The following RUFY3 variants were observed in gnomAD, a reference collection of about 807,000 sequenced individuals.
RUFY3 encodes protein RUFY3.
RUFY3 carries 34 observed loss-of-function variants against 84.0 expected under a neutral mutation model. That is an observed-to-expected ratio of 0.40 (90% CI 0.31 to 0.54). The LOEUF is 0.54. Ranked by LOEUF, RUFY3 falls within the 20% of genes least tolerant of loss-of-function variation. The pLI is 0.39. For missense variants in RUFY3, 507 were observed against 736.8 expected (o/e 0.69, Z 3.61); for synonymous variants, 242 against 252.9 (o/e 0.96, Z 0.41).
chr4:70,753,051 T>G (rs1330530986), intron 1 of RUFY3, among the ~76,000 whole-genome samples: 1 of 150,294 alleles, frequency 6.7e-6, no homozygotes, highest in Non-Finnish European at 1.5e-5. Context: ...GCTATTTTTT[T>G]ATTATTATTA....
chr4:70,798,828 C>A (rs539754606), intron 14 of RUFY3, among the ~76,000 whole-genome samples: 1 of 151,012 alleles, frequency 6.6e-6, no homozygotes, highest in African/African-American at 2.4e-5. Context: ...ACAAAATTTG[C>A]CCAGGCAGGG....
intron 1 of RUFY3, among the ~76,000 whole-genome samples, chr4:70,712,248 T>C (rs1225013677): frequency 6.6e-6 from 1 of 152,216 alleles, no homozygotes; most frequent in African/African-American, 2.4e-5. Context: ...ATTTGTGGGA[T>C]ATTTTTGTGT....
Position 70,722,029 on chromosome 4 carries a change from C to G in RUFY3, c.-545C>G. The G allele has an allele frequency of 8.1e-7, 1 of 1,232,212 alleles. No individual in the cohort carries two copies. The highest frequency in any genetic ancestry group is 1.0e-6 in the Non-Finnish European group (1 of 987,992). The allele number at this position is 1,232,212 out of a possible 1,614,324, so 76.3% of individuals were successfully genotyped here. A position where few individuals can be genotyped will look rare whatever the true frequency, so the allele number is the denominator to read the frequency against. On this transcript the variant is annotated 5_prime_UTR_variant, in exon 1 of 18. Coordinates refer to ENST00000381006, the MANE Select transcript of RUFY3 (RefSeq NM_001037442.4). ...GCGCACGGCCAATCCTATGAGAACT[C>G]AGCATCCCAGCTCATCTGAGCAGAT... is the stretch of plus-strand genomic sequence containing the variant.
chr4:70,800,023 T>G, intron 14 of RUFY3, 118 bp from the exon 15 acceptor site: 2 of 826,516 alleles, frequency 2.4e-6, no homozygotes, highest in Non-Finnish European at 3.8e-6. Context: ...ATCCCTTCCC[T>G]AATAAAAAAA....
intron 15 of RUFY3, among the ~76,000 whole-genome samples, chr4:70,800,703 T>C (rs1732113951): frequency 6.6e-6 from 1 of 151,984 alleles, no homozygotes; most frequent in African/African-American, 2.4e-5. Context: ...GCCAACATGG[T>C]GAAACCCGGT....
At chr4:70,780,897 C>T (rs1423059974) in intron 8 of RUFY3, among the ~76,000 whole-genome samples, 1 of 152,052 alleles carries the variant, frequency 6.6e-6, no homozygotes, top group East Asian at 1.9e-4. Flanking sequence ...AAAATATGCT[C>T]TAAGAGAGTA....
intron 7 of RUFY3, among the ~76,000 whole-genome samples, chr4:70,777,265 G>A (rs1457022322): frequency 3.2e-4 from 49 of 152,116 alleles, no homozygotes; most frequent in Admixed American, 3.1e-3. Flanking sequence ...GAGGACTACT[G>A]TATTTTCAGA....
At chr4:70,801,659 C>A (rs993821816) in intron 15 of RUFY3, among the ~76,000 whole-genome samples, 2 of 152,200 alleles carry the variant, frequency 1.3e-5, no homozygotes, top group Non-Finnish European at 2.9e-5. Context: ...GCAAAAGTAG[C>A]TGCTGGAGAA....
chr4:70,754,897 CT>C (rs201053841), intron 1 of RUFY3, among the ~76,000 whole-genome samples: 6,629 of 143,828 alleles, frequency 0.046, 294 homozygotes, highest in East Asian at 0.2. Flanking sequence ...CATATTAAAG[CT>C]TTTTTTTTTT....
intron 1 of RUFY3, among the ~76,000 whole-genome samples, chr4:70,730,927 C>T (rs1378579942): frequency 6.6e-6 from 1 of 152,052 alleles, no homozygotes; most frequent in Non-Finnish European, 1.5e-5. Flanking sequence ...TCTCTGATGA[C>T]ATATTTGCAG....
intron 1 of RUFY3, among the ~76,000 whole-genome samples, chr4:70,724,511 A>C (rs1717902759): frequency 6.6e-6 from 1 of 152,234 alleles, no homozygotes; most frequent in Non-Finnish European, 1.5e-5. Flanking sequence ...AATTCTTCAT[A>C]GAGAAATCTG....
chr4:70,729,423 A>T (rs10000135), intron 1 of RUFY3, among the ~76,000 whole-genome samples: 14,034 of 151,926 alleles, frequency 0.092, 1,379 homozygotes, highest in African/African-American at 0.25. Flanking sequence ...CACCCAGCTA[A>T]TTTTTTGTAT....
intron 1 of RUFY3, among the ~76,000 whole-genome samples, chr4:70,705,898 G>A (rs1740282851): frequency 6.6e-6 from 1 of 152,214 alleles, no homozygotes. Context: ...ATTGGAAAGA[G>A]AAATCGGAGC....
intron 1 of RUFY3, among the ~76,000 whole-genome samples, chr4:70,712,300 G>A (rs868486711): frequency 1.3e-5 from 2 of 152,150 alleles, no homozygotes; most frequent in South Asian, 4.1e-4. Context: ...ATAGTACTTA[G>A]CACTTTTTTG....
intron 10 of RUFY3, among the ~76,000 whole-genome samples, chr4:70,788,507 A>G (rs1333171101): frequency 6.6e-6 from 1 of 152,098 alleles, no homozygotes; most frequent in African/African-American, 2.4e-5. Context: ...AGTTGTCGTA[A>G]TATCTACTGA....
intron 4 of RUFY3, among the ~76,000 whole-genome samples, chr4:70,765,444 G>C (rs1156237449): frequency 2.0e-5 from 3 of 152,180 alleles, no homozygotes; most frequent in Middle Eastern, 3.4e-3. Context: ...TTTCAGTACT[G>C]TTCTCTTTCC....
intron 1 of RUFY3, among the ~76,000 whole-genome samples, chr4:70,760,315 A>G (rs1047217912): frequency 1.2e-4 from 19 of 152,204 alleles, no homozygotes; most frequent in African/African-American, 4.3e-4. Context: ...TCTATCTCTC[A>G]CCACATGACT....
In RUFY3 at chr4:70,722,768, T is replaced by C; in HGVS notation, c.178+17T>C. The C allele has an allele frequency of 6.2e-7, 1 of 1,606,670 alleles. No homozygotes were observed. On this transcript the variant is annotated intron_variant, in intron 1 of 17. Transcript: ENST00000381006. ...CCCATGAAGGTATGGTCAGATCCTG[T>C]CCGCTAGTATTTCACCAGCATCCTC...
chr4:70,708,016 T>C (rs945882494), intron 1 of RUFY3, among the ~76,000 whole-genome samples: 1 of 152,186 alleles, frequency 6.6e-6, no homozygotes, highest in Non-Finnish European at 1.5e-5. Flanking sequence ...CCCAGCCCTT[T>C]GGGAGACTAA....
Sources: gnomAD v4.1 joint callset for allele counts (sites outside exome capture counted in the v4.1 genomes callset) on GRCh38, gnomAD v4.1.1 for gene constraint, MANE v1.5 for transcripts, NCBI Gene and HGNC (gene_info 2026-07-23, HGNC 2026-07-21) for gene names.